The following KPTN variants were observed in gnomAD, a reference collection of about 807,000 sequenced individuals.
KPTN encodes kaptin, actin binding protein.
KPTN carries 36 observed loss-of-function variants against 52.6 expected under a neutral mutation model. That is an observed-to-expected ratio of 0.68 (90% confidence interval 0.52 to 0.90). The LOEUF (loss-of-function observed/expected upper bound fraction) is 0.90, where lower values mean the gene tolerates loss of function less well. KPTN is among the 40% of genes least tolerant of loss of function. The pLI is 0.00. For synonymous variants in KPTN, 271 were observed against 248.4 expected, an observed-to-expected ratio of 1.09 and a Z score of -0.85; for missense variants, 529 against 576.2, an observed-to-expected ratio of 0.92 and a Z score of 0.84.
chr19:47,484,474 AATC>A (rs753655256), upstream of KPTN: 44 of 442,078 alleles, frequency 1.0e-4, no homozygotes, highest in Middle Eastern at 5.9e-4. Context: ...TGGAAGGTCG[AATC>A]ATCATCATCA....
At position 47,477,700 on chromosome 19, in the gene KPTN, C is replaced by T. The variant is rs770942037; in HGVS notation, c.863+6G>A. Reference sequence around the variant, plus strand: ...GACCACACCCATGTGTCTCAGGCCCCCTCACCGATACACCACTGCTGGCTC... The same window carrying T: ...GACCACACCCATGTGTCTCAGGCCCTCTCACCGATACACCACTGCTGGCTC... On this transcript the variant is annotated splice_donor_region_variant and intron_variant, in intron 9 of 11. Transcript: ENST00000338134. 6.2e-7 allele frequency: 1 copy of T among 1,610,266 alleles called. No homozygotes were observed. The highest frequency in any genetic ancestry group is 8.5e-7 in the Non-Finnish European group (1 of 1,176,574).
At chr19:47,477,241 AGCCCGAAGAGGGCTTG>A (rs1021719901) in intron 9 of KPTN, among the ~76,000 whole-genome samples, 1 of 152,198 alleles carries the variant, frequency 6.6e-6, no homozygotes, top group African/African-American at 2.4e-5. Flanking sequence ...GCCTTCGTGG[AGCCCGAAGAGGGCTTG>A]GCCCTGGCCT....
In KPTN at chr19:47,483,976, A is replaced by AT. The variant is rs1243527780; in HGVS notation, c.184dup (p.Ile62AsnfsTer63). ...CTGCAGCTCCTTGGCCACTGGCCGG[A>AT]TTTTCTGTCGGAGGTCTTGGTAGCG... On this transcript the variant is annotated frameshift_variant, in exon 1 of 12. Transcript: ENST00000338134. LOFTEE classifies it high-confidence loss of function. 3.1e-6 allele frequency: 5 copies of AT among 1,612,570 alleles called. No individual in the cohort carries two copies. Among genetic ancestry groups the AT allele is most frequent in the Admixed American group, 1.7e-5 (1 of 59,924 alleles).
At chr19:47,480,704 AT>A (rs1042105168) in intron 6 of KPTN, 55 bp downstream of exon 6, 2 of 1,532,218 alleles carry the variant, frequency 1.3e-6, no homozygotes, top group African/African-American at 1.4e-5. Context: ...TCACCGCCCG[AT>A]TTCTCTGATG....
intron 8 of KPTN, among the ~76,000 whole-genome samples, chr19:47,478,436 G>T (rs569590230): frequency 6.6e-6 from 1 of 151,760 alleles, no homozygotes; most frequent in South Asian, 2.1e-4. Flanking sequence ...AAATTAGCCT[G>T]GCATGATGGC....
chr19:47,476,418 C>G (rs943961646), intron 11 of KPTN, 114 bp downstream of exon 11: 29 of 783,336 alleles, frequency 3.7e-5, no homozygotes, highest in Non-Finnish European at 4.7e-5. Flanking sequence ...GTTGTCCTGA[C>G]TGGTAGGAAC....
chr19:47,481,053 G>A lies in KPTN; in HGVS notation c.450-20C>T. On this transcript the variant is annotated intron_variant, in intron 4 of 11. Transcript: ENST00000338134. ...TGGACCCTGAAAGCAGAGAAATCTA[G>A]AACCCAAGGTAGTGGAATCCACATG... is the stretch of plus-strand genomic sequence containing the variant. 6.4e-7 allele frequency: 1 copy of A among 1,559,946 alleles called. No homozygotes were observed. Among genetic ancestry groups the A allele is most frequent in the Non-Finnish European group, 8.7e-7 (1 of 1,148,524 alleles).
intron 8 of KPTN, 32 bp downstream of exon 8, chr19:47,479,831 T>A: frequency 6.4e-7 from 1 of 1,563,510 alleles, no homozygotes; most frequent in Non-Finnish European, 8.8e-7. Flanking sequence ...TCCCACCCGC[T>A]CTCTCCCCAT....
chr19:47,484,314 G>T (rs962480553), upstream of KPTN: 1 of 975,528 alleles, frequency 1.0e-6, no homozygotes, highest in Non-Finnish European at 1.5e-6. Flanking sequence ...CAAGATGGCG[G>T]CCAGGTCGCC....
intron 4 of KPTN, among the ~76,000 whole-genome samples, chr19:47,482,360 G>T (rs1053448862): frequency 2.0e-5 from 3 of 151,904 alleles, no homozygotes; most frequent in African/African-American, 7.3e-5. Flanking sequence ...ATGGTGGTGT[G>T]AGCCTGTAAT....
intron 5 of KPTN, 35 bp downstream of exon 5, chr19:47,480,923 C>T (rs747743067): frequency 2.5e-6 from 4 of 1,612,210 alleles, no homozygotes; most frequent in Non-Finnish European, 3.4e-6. Flanking sequence ...CAGTGAATCC[C>T]ACAGGGCTCT....
At chr19:47,482,024 C>T (rs1260348006) in intron 4 of KPTN, among the ~76,000 whole-genome samples, 1 of 152,232 alleles carries the variant, frequency 6.6e-6, no homozygotes, top group African/African-American at 2.4e-5. Context: ...CTCTAGAAAA[C>T]TTAGCATCTC....
At chr19:47,478,015 ACAC>A (rs1450576210) in intron 8 of KPTN, among the ~76,000 whole-genome samples, 14 of 151,136 alleles carry the variant, frequency 9.3e-5, no homozygotes, top group African/African-American at 3.4e-4. Context: ...AGCCAAGATC[ACAC>A]CACTGCACTC....
intron 6 of KPTN, 92 bp downstream of exon 6, chr19:47,480,667 TC>T: frequency 1.7e-6 from 2 of 1,184,798 alleles, no homozygotes; most frequent in Non-Finnish European, 1.3e-6. Flanking sequence ...TCTGAGCTCC[TC>T]CCCGGTGACC....
At position 47,483,526 on chromosome 19, in the gene KPTN, C is replaced by A; in HGVS notation, c.285G>T (p.Leu95=). Residue 95 remains leucine, a synonymous_variant, in exon 2 of 12, where the codon CTG becomes CTT. Transcript: ENST00000338134. Reference sequence around the variant, plus strand: ...CCTTGATGAACGTGATCCCCACAACCAGACCCCGCTTGGGGGGTGACTTGT... The same window carrying A: ...CCTTGATGAACGTGATCCCCACAACAAGACCCCGCTTGGGGGGTGACTTGT... ...TFNKSPPKRG[L]VVGITFIKDS... is the part of the protein sequence containing the mutation. 6.3e-7 allele frequency: 1 copy of A among 1,586,484 alleles called. No individual in the cohort carries two copies. The highest frequency in any genetic ancestry group is 1.1e-5 in the South Asian group (1 of 88,474).
intron 8 of KPTN, among the ~76,000 whole-genome samples, chr19:47,479,289 C>A (rs991250186): frequency 5.3e-5 from 8 of 152,312 alleles, no homozygotes; most frequent in African/African-American, 1.9e-4. Context: ...GTGATCCGTC[C>A]GCTTCGGCCT....
At chr19:47,478,067 G>GA (rs1027490222) in intron 8 of KPTN, among the ~76,000 whole-genome samples, 2,891 of 124,734 alleles carry the variant, frequency 0.023, 48 homozygotes, top group Middle Eastern at 0.07. Flanking sequence ...CTCAGAAAAA[G>GA]AAAAAAAAAA....
chr19:47,483,839 T>TA, intron 1 of KPTN, 96 bp downstream of exon 1: 1 of 1,527,816 alleles, frequency 6.5e-7, no homozygotes, highest in Admixed American at 1.9e-5. Flanking sequence ...CTGATCCCAT[T>TA]CTTCCAGCAC....
chr19:47,476,851 A>T lies in KPTN; in HGVS notation c.951T>A (p.Asp317Glu), dbSNP rs746903629. The stretch of plus-strand genomic sequence containing the variant: ...CTTCTGGCCGCCCATCCAAATCCAC[A>T]TCGGTGACCAGGCTGCAGAGGACGC... ...FDSVLCSLVTDVDLDGRPEVL... is the reference protein window; with the variant it reads ...FDSVLCSLVTEVDLDGRPEVL... Residue 317 changes from aspartate to glutamate, a missense_variant, in exon 10 of 12, where the codon GAT (aspartate) becomes GAA (glutamate). Transcript: ENST00000338134. The T allele has an allele frequency of 1.3e-6, 2 of 1,576,882 alleles. No homozygotes were observed. The highest frequency in any genetic ancestry group is 2.3e-5 in the South Asian group (2 of 86,262).
Sources: gnomAD v4.1 joint callset for allele counts (sites outside exome capture counted in the v4.1 genomes callset) on GRCh38, gnomAD v4.1.1 for gene constraint, MANE v1.5 for transcripts, NCBI Gene and HGNC (gene_info 2026-07-23, HGNC 2026-07-21) for gene names.